FER: variants seen among roughly 807,000 people sequenced by gnomAD.
FER encodes FER tyrosine kinase.
Under a neutral mutation model 111.0 loss-of-function variants are expected in FER, and 63 were observed. The ratio of observed to expected loss-of-function variants is 0.57; its 90% CI spans 0.46 to 0.70. The LOEUF (loss-of-function observed/expected upper bound fraction) is 0.70. Ranked by LOEUF, FER falls within the 30% of genes least tolerant of loss-of-function variation. The pLI, the probability that FER is intolerant of heterozygous loss-of-function variation, is 0.00. For missense variants in FER, 914 were observed against 954.0 expected, an observed-to-expected ratio of 0.96 and a Z score of 0.55; for synonymous variants, 327 against 313.9, an observed-to-expected ratio of 1.04 and a Z score of -0.44.
intron 16 of FER, among the ~76,000 whole-genome samples, chr5:109,070,220 T>G (rs1415610002): frequency 1.3e-5 from 2 of 151,788 alleles, no homozygotes; most frequent in Non-Finnish European, 1.5e-5. Context: ...ATTGAAAACA[T>G]GGAGAGAAAA....
intron 16 of FER, among the ~76,000 whole-genome samples, chr5:109,062,625 G>C (rs577890582): frequency 4.6e-5 from 7 of 152,072 alleles, no homozygotes; most frequent in African/African-American, 1.7e-4. Context: ...ATTAAATTAA[G>C]ACTGCAATGA....
chr5:108,889,290 C>T (rs908185462), intron 9 of FER, among the ~76,000 whole-genome samples: 9 of 151,848 alleles, frequency 5.9e-5, no homozygotes, highest in African/African-American at 2.2e-4. Flanking sequence ...TCACAATAGT[C>T]AAGAGTCCGA....
At chr5:108,866,597 A>G (rs1210586000) in intron 5 of FER, among the ~76,000 whole-genome samples, 8 of 152,052 alleles carry the variant, frequency 5.3e-5, no homozygotes, top group African/African-American at 1.4e-4. Context: ...AAAAAAAAGA[A>G]TCAGCTAGAA....
intron 17 of FER, among the ~76,000 whole-genome samples, chr5:109,169,396 A>G (rs933560739): frequency 1.3e-5 from 2 of 152,188 alleles, no homozygotes; most frequent in Admixed American, 6.6e-5. Flanking sequence ...ACCTGTATTC[A>G]TAACTTAGAC....
At chr5:108,868,662 G>A (rs1249152141) in intron 6 of FER, among the ~76,000 whole-genome samples, 1 of 152,094 alleles carries the variant, frequency 6.6e-6, no homozygotes, top group African/African-American at 2.4e-5. Context: ...TGAACTATGA[G>A]TAGGGTTGAA....
At chr5:109,098,253 G>C (rs558576942) in intron 16 of FER, among the ~76,000 whole-genome samples, 5 of 151,746 alleles carry the variant, frequency 3.3e-5, no homozygotes, top group African/African-American at 1.2e-4. Context: ...ACAATATTTG[G>C]TAATTTGTTG....
chr5:109,047,244 G>C, intron 16 of FER, 46 bp downstream of exon 16: 1 of 1,069,114 alleles, frequency 9.4e-7, no homozygotes, highest in Non-Finnish European at 1.4e-6. Flanking sequence ...TTAATGTCAT[G>C]TTTTATTGTT....
intron 5 of FER, among the ~76,000 whole-genome samples, chr5:108,863,488 A>G (rs1380083824): frequency 6.6e-6 from 1 of 152,226 alleles, no homozygotes; most frequent in African/African-American, 2.4e-5. Flanking sequence ...AGTAATATTC[A>G]TGGATAAAAA....
At chr5:108,973,240 A>T (rs1328731528) in intron 13 of FER, among the ~76,000 whole-genome samples, 1 of 152,170 alleles carries the variant, frequency 6.6e-6, no homozygotes, top group Non-Finnish European at 1.5e-5. Flanking sequence ...TTATCATATT[A>T]ATTAAATTAG....
chr5:108,855,562 A>T (rs941329422), intron 5 of FER, among the ~76,000 whole-genome samples: 1 of 148,522 alleles, frequency 6.7e-6, no homozygotes, highest in African/African-American at 2.5e-5. Context: ...CGGAACTTGC[A>T]GTGAGCCAAG....
chr5:109,054,326 A>T (rs775289071), intron 16 of FER, among the ~76,000 whole-genome samples: 2 of 152,300 alleles, frequency 1.3e-5, no homozygotes, highest in East Asian at 3.9e-4. Flanking sequence ...TAGCCTTTCT[A>T]ATACTTCTAT....
At chr5:109,041,915 G>T (rs946551919) in intron 14 of FER, among the ~76,000 whole-genome samples, 28 of 152,080 alleles carry the variant, frequency 1.8e-4, no homozygotes, top group Non-Finnish European at 1.3e-4. Flanking sequence ...ATTATATGTG[G>T]GGAAAATAAG....
intron 3 of FER, among the ~76,000 whole-genome samples, chr5:108,803,634 G>A (rs1353730513): frequency 5.4e-5 from 8 of 149,034 alleles, no homozygotes; most frequent in East Asian, 1.9e-4. Context: ...TCAGATGGCT[G>A]TAGGTTTGCA....
intron 9 of FER, among the ~76,000 whole-genome samples, chr5:108,895,493 G>T (rs907917934): frequency 6.6e-6 from 1 of 152,094 alleles, no homozygotes; most frequent in African/African-American, 2.4e-5. Context: ...GCCTTTTCCA[G>T]TTTTTAGAGG....
At chr5:108,917,606 A>G (rs1752435254) in intron 10 of FER, among the ~76,000 whole-genome samples, 1 of 152,174 alleles carries the variant, frequency 6.6e-6, no homozygotes, top group South Asian at 2.1e-4. Context: ...GAGTAGGTGT[A>G]TGATGTGACT....
chr5:108,760,612 C>T (rs1751624441), intron 1 of FER, among the ~76,000 whole-genome samples: 1 of 152,198 alleles, frequency 6.6e-6, no homozygotes, highest in South Asian at 2.1e-4. Flanking sequence ...GAGATAGCCT[C>T]TTTCCTTCAG....
intron 2 of FER, chr5:108,782,687 A>G (rs564003893): frequency 6.6e-6 from 1 of 152,036 alleles, no homozygotes; most frequent in Non-Finnish European, 1.5e-5. Context: ...TTTGTTGCCT[A>G]GGCTGATCTT....
intron 8 of FER, among the ~76,000 whole-genome samples, chr5:108,875,871 G>A (rs1765042569): frequency 6.6e-6 from 1 of 152,044 alleles, no homozygotes; most frequent in African/African-American, 2.4e-5. Flanking sequence ...TTCAAATGAG[G>A]TCTCTTTATT....
At chr5:109,173,375 A>G (rs900938018) in intron 17 of FER, among the ~76,000 whole-genome samples, 4 of 152,382 alleles carry the variant, frequency 2.6e-5, no homozygotes, top group African/African-American at 7.2e-5. Context: ...TCTTACTCCA[A>G]TATAGTAAAT....
Sources: allele counts gnomAD v4.1 joint callset (sites outside exome capture counted in the v4.1 genomes callset), GRCh38; gene constraint gnomAD v4.1.1; transcripts MANE v1.5; gene names NCBI Gene and HGNC (gene_info 2026-07-23, HGNC 2026-07-21).